Variants in CHD2 observed in about 807,000 individuals in gnomAD.
The protein encoded by CHD2 is ATP-dependent chromatin remodeler CHD2.
Under a neutral mutation model 243.9 loss-of-function variants are expected in CHD2, and 28 were observed. The observed-to-expected ratio is 0.11, with a 90% CI of 0.09 to 0.16. The LOEUF (loss-of-function observed/expected upper bound fraction) is 0.16, where lower values mean the gene tolerates loss of function less well. CHD2 is among the 10% of genes least tolerant of loss of function. CHD2 has a pLI of 1.00. For missense variants in CHD2, 1,386 were observed against 2,209.8 expected (o/e 0.63, Z 7.47); for synonymous variants, 775 against 779.0 (o/e 0.99, Z 0.09).
In CHD2 at chr15:92,967,319, C is replaced by T. The variant is rs747812305; in HGVS notation, c.2001-6C>T. ...GCTAAATAACACTATACTGTTTCTTCCCTAGGTTTGAATTTTGGGAAGATT... is the reference window on the plus strand; with the variant it reads ...GCTAAATAACACTATACTGTTTCTTTCCTAGGTTTGAATTTTGGGAAGATT... On this transcript the variant is annotated splice_polypyrimidine_tract_variant and splice_region_variant and intron_variant, in intron 16 of 38. Coordinates refer to ENST00000394196, the MANE Select transcript of CHD2 (RefSeq NM_001271.4). The T allele has an allele frequency of 6.3e-7, 1 of 1,599,078 alleles. No individual in the cohort carries two copies. Among genetic ancestry groups the T allele is most frequent in the Non-Finnish European group, 8.5e-7 (1 of 1,170,886 alleles).
chr15:92,952,660 A>G (rs1403115241), intron 13 of CHD2, among the ~76,000 whole-genome samples: 1 of 152,224 alleles, frequency 6.6e-6, no homozygotes, highest in African/African-American at 2.4e-5. Context: ...GAAAATACAT[A>G]TGAAGCTTCC....
intron 2 of CHD2, chr15:92,902,805 T>C (rs916754872): frequency 4.6e-5 from 7 of 152,156 alleles, no homozygotes; most frequent in Non-Finnish European, 7.4e-5. Context: ...CTCCCTTGAG[T>C]GTATCATTTG....
Position 92,965,165 on chromosome 15 carries a change from A to G in CHD2, c.2001-2160A>G, listed in dbSNP as rs137901352. 135 of 152,306 alleles carry G rather than the reference A, an allele frequency of 8.9e-4. 1 individual carries two copies. The highest frequency in any genetic ancestry group is 3.1e-3 in the African/African-American group (127 of 41,564). 9.4% of individuals were successfully genotyped at this position (152,306 alleles called of 1,614,324 possible). ...TAAAATATGAATCTTTAGATGTAACATGGTGTCTTTATACATCACCACTAT... is the reference window on the plus strand; with the variant it reads ...TAAAATATGAATCTTTAGATGTAACGTGGTGTCTTTATACATCACCACTAT... On this transcript the variant is annotated intron_variant, in intron 16 of 38. Transcript: ENST00000394196.
chr15:93,014,195 A>G (rs1284075754), intron 36 of CHD2, among the ~76,000 whole-genome samples: 2 of 151,846 alleles, frequency 1.3e-5, no homozygotes, highest in Admixed American at 1.3e-4. Flanking sequence ...GGGTCACTTT[A>G]TTTTTTTTAT....
Position 92,905,116 on chromosome 15 carries a change from T to C in CHD2, c.62+3817T>C, listed in dbSNP as rs2052596053. 4.4e-6 allele frequency: 4 copies of C among 909,984 alleles called. No individual in the cohort carries two copies. The Admixed American group carries it at 1.0e-4, about 23-fold the overall frequency. The allele number at this position is 909,984 out of a possible 1,614,324, so 56.4% of individuals were successfully genotyped here. On this transcript the variant is annotated intron_variant, in intron 2 of 38. Coordinates refer to ENST00000394196, the MANE Select transcript of CHD2 (RefSeq NM_001271.4). ...ATTAAAAAGTGGCAGAATACAGCGT[T>C]AGGCAACCATTACTATGTAAGTAAA...
chr15:93,008,606 T>C (rs1567162290), intron 34 of CHD2, among the ~76,000 whole-genome samples: 2 of 152,196 alleles, frequency 1.3e-5, no homozygotes, highest in South Asian at 2.1e-4. Flanking sequence ...TCCTCTCTCT[T>C]GTTTTCTCTT....
chr15:92,948,172 C>G (rs182713773), intron 12 of CHD2, among the ~76,000 whole-genome samples: 1 of 152,290 alleles, frequency 6.6e-6, no homozygotes, highest in East Asian at 1.9e-4. Flanking sequence ...CCTTCAGAAG[C>G]TTGTTTCTGA....
chr15:92,998,961 GTAATCCCAGCTACTTA>G lies in CHD2; in HGVS notation c.4008+341_4008+356del, dbSNP rs1368148694. Among the ~76,000 whole-genome samples, 26 of 152,064 alleles carry G rather than the reference GTAATCCCAGCTACTTA, an allele frequency of 1.7e-4. No homozygotes were observed. Among genetic ancestry groups the G allele is most frequent in the African/African-American group, 6.3e-4 (26 of 41,454 alleles). ...TAGCCGGGCGTGGTGGCACACGCCT[GTAATCCCAGCTACTTA>G]GGAGGCTGAGGCAGGAGAATGGTGT... On this transcript the variant is annotated intron_variant, in intron 31 of 38. Coordinates refer to ENST00000394196, the MANE Select transcript of CHD2 (RefSeq NM_001271.4). The surrounding 1 kb of genome is among the most constrained non-coding windows in gnomAD (Gnocchi z 5.1).
chr15:92,939,737 G>A lies in CHD2; in HGVS notation c.692+19G>A, dbSNP rs374973519. 16 of 1,610,006 alleles carry A rather than the reference G, an allele frequency of 9.9e-6. No individual in the cohort carries two copies. The highest frequency in any genetic ancestry group is 1.4e-5 in the Non-Finnish European group (16 of 1,179,110). On this transcript the variant is annotated intron_variant, in intron 7 of 38. Transcript: ENST00000394196. ...ACGTTAGGTAAGTTGTACCCCAGAA[G>A]TGTTTCACTGGTGTGATGTGATAAA...
At chr15:92,971,735 T>C (rs897187411) in intron 17 of CHD2, 30 bp from the exon 18 acceptor site, 5 of 1,599,002 alleles carry the variant, frequency 3.1e-6, no homozygotes, top group Middle Eastern at 1.7e-4. Flanking sequence ...TTTTTGTATC[T>C]AGTAGTATCA....
intron 2 of CHD2, among the ~76,000 whole-genome samples, chr15:92,920,002 T>C (rs1183314134): frequency 3.9e-5 from 6 of 152,258 alleles, no homozygotes; most frequent in African/African-American, 1.4e-4. Context: ...ATTTTCATTG[T>C]TGTTATTTTT....
intron 38 of CHD2, 178 bp downstream of exon 38, chr15:93,020,436 T>C: frequency 1.4e-6 from 1 of 736,146 alleles, no homozygotes; most frequent in Non-Finnish European, 2.2e-6. Context: ...GTTTTGTGGG[T>C]CATAGGGAGC....
At chr15:92,960,747 G>A (rs376679099) in intron 16 of CHD2, among the ~76,000 whole-genome samples, 22 of 108,286 alleles carry the variant, frequency 2.0e-4, no homozygotes, top group East Asian at 1.3e-3. Flanking sequence ...CAGAGTTTCC[G>A]TCTGTTGCCC....
chr15:92,985,253 T>TA (rs148596633), intron 25 of CHD2, among the ~76,000 whole-genome samples: 460 of 152,364 alleles, frequency 3.0e-3, no homozygotes, highest in African/African-American at 8.7e-3. Context: ...TGGGATATTG[T>TA]AAAAATATTC....
intron 2 of CHD2, among the ~76,000 whole-genome samples, chr15:92,913,168 C>G (rs2052772374): frequency 6.6e-6 from 1 of 152,170 alleles, no homozygotes; most frequent in Admixed American, 6.5e-5. Flanking sequence ...GAACAGCAAC[C>G]TCAGTTGATT....
intron 37 of CHD2, among the ~76,000 whole-genome samples, chr15:93,019,479 C>A (rs193130713): frequency 6.6e-6 from 1 of 152,100 alleles, no homozygotes; most frequent in Admixed American, 6.6e-5. Context: ...ATTACTGATA[C>A]GTTAGCCAGC....
chr15:92,938,331 A>G (rs922922212), intron 6 of CHD2, among the ~76,000 whole-genome samples: 5 of 152,252 alleles, frequency 3.3e-5, no homozygotes, highest in African/African-American at 9.6e-5. Context: ...ATTAGTAGAT[A>G]TATATTGCAG....
At chr15:92,996,476 C>G (rs2054190021) in intron 28 of CHD2, among the ~76,000 whole-genome samples, 1 of 152,086 alleles carries the variant, frequency 6.6e-6, no homozygotes, top group African/African-American at 2.4e-5. Flanking sequence ...GTGTAATTTT[C>G]TTAAGCCACC....
At chr15:92,933,388 A>G (rs1173884673) in intron 5 of CHD2, among the ~76,000 whole-genome samples, 1 of 152,140 alleles carries the variant, frequency 6.6e-6, no homozygotes, top group East Asian at 1.9e-4. Flanking sequence ...GGAGTTCTCC[A>G]TTTTGCCTTG....
Sources: gnomAD v4.1 joint callset for allele counts (sites outside exome capture counted in the v4.1 genomes callset) on GRCh38, gnomAD v4.1.1 for gene constraint, Gnocchi (gnomAD v3.1) non-coding constraint, MANE v1.5 for transcripts, NCBI Gene and HGNC (gene_info 2026-07-23, HGNC 2026-07-21) for gene names.